HIPK2: variants seen among roughly 807,000 people sequenced by gnomAD.
HIPK2 encodes the protein homeodomain-interacting protein kinase 2.
In HIPK2, 27 loss-of-function variants were observed where a neutral mutation model predicts 113.7. The ratio of observed to expected loss-of-function variants is 0.24; its 90% confidence interval spans 0.17 to 0.33. The LOEUF is 0.33. Among genes scored for constraint, HIPK2 ranks in the 10% least tolerant of loss-of-function variants. HIPK2 has a pLI of 1.00. For synonymous variants in HIPK2, 631 were observed against 642.2 expected (o/e 0.98, Z 0.26); for missense variants, 1,257 against 1,588.0 (o/e 0.79, Z 3.54).
chr7:139,753,852 G>A (rs1200200575), intron 1 of HIPK2, among the ~76,000 whole-genome samples: 1 of 152,222 alleles, frequency 6.6e-6, no homozygotes. Context: ...ATTGTGAGAT[G>A]GGGAAGGCGC....
At chr7:139,726,439 G>A (rs1433196633) in intron 1 of HIPK2, among the ~76,000 whole-genome samples, 2 of 152,232 alleles carry the variant, frequency 1.3e-5, no homozygotes, top group Non-Finnish European at 2.9e-5. Flanking sequence ...GCCAGAAGGA[G>A]TGGGGCTCCA....
chr7:139,772,950 A>C (rs933217909), intron 1 of HIPK2, among the ~76,000 whole-genome samples: 1 of 152,008 alleles, frequency 6.6e-6, no homozygotes, highest in African/African-American at 2.4e-5. Flanking sequence ...CACTAAAAAA[A>C]AAAAGGAGAA....
At chr7:139,593,617 C>T (rs746422514) in intron 12 of HIPK2, among the ~76,000 whole-genome samples, 2 of 152,188 alleles carry the variant, frequency 1.3e-5, no homozygotes, top group Non-Finnish European at 2.9e-5. Context: ...TGAAGGTCAT[C>T]GGCTGCCTGA....
In HIPK2 at chr7:139,604,404, G is replaced by A. The variant is rs73481737; in HGVS notation, c.2113-181C>T. On this transcript the variant is annotated intron_variant, in intron 9 of 14. Transcript: ENST00000406875. ...GAGATAAACAATGAACATACAGGCC[G>A]GGTGCAGTGGCTCACGCCTGTAATC... The A allele has an allele frequency of 9.2e-4, 324 of 352,740 alleles. 2 individuals carry two copies. The highest frequency in any genetic ancestry group is 6.7e-3 in the African/African-American group (303 of 45,106). 21.9% of individuals were successfully genotyped at this position (352,740 alleles called of 1,614,324 possible). A position where few individuals can be genotyped will look rare whatever the true frequency, so the allele number is the denominator to read the frequency against.
At chr7:139,725,517 T>A (rs1288464285) in intron 1 of HIPK2, among the ~76,000 whole-genome samples, 1 of 152,234 alleles carries the variant, frequency 6.6e-6, no homozygotes, top group Non-Finnish European at 1.5e-5. Context: ...TAACCACCAG[T>A]ATGCACTGTG....
intron 2 of HIPK2, among the ~76,000 whole-genome samples, chr7:139,678,633 T>C (rs1802591801): frequency 6.6e-6 from 1 of 152,238 alleles, no homozygotes; most frequent in Admixed American, 6.5e-5. Context: ...TTGTTCTTTT[T>C]GCTTAGGATT....
At chr7:139,586,279 CAG>C (rs1798829087) in intron 12 of HIPK2, among the ~76,000 whole-genome samples, 1 of 152,180 alleles carries the variant, frequency 6.6e-6, no homozygotes, top group Admixed American at 6.5e-5. Flanking sequence ...AAGCTAAACA[CAG>C]AGTTACCCTA....
intron 2 of HIPK2, among the ~76,000 whole-genome samples, chr7:139,643,381 TACACACACACACACAC>T (rs61058916): frequency 6.7e-6 from 1 of 148,238 alleles, no homozygotes; most frequent in Non-Finnish European, 1.5e-5. Context: ...ATGTACTAAA[TACACACACACACACAC>T]ACACACACAC....
intron 1 of HIPK2, among the ~76,000 whole-genome samples, chr7:139,732,800 T>C (rs1273228325): frequency 2.9e-5 from 4 of 139,576 alleles, no homozygotes; most frequent in Non-Finnish European, 6.0e-5. Flanking sequence ...ATATAATATA[T>C]ATAACATATT....
At chr7:139,757,118 TGAGACAC>T (rs1796375417) in intron 1 of HIPK2, among the ~76,000 whole-genome samples, 1 of 152,154 alleles carries the variant, frequency 6.6e-6, no homozygotes, top group Admixed American at 6.5e-5. Flanking sequence ...CCTGAAAAGA[TGAGACAC>T]AGACACTTAG....
At chr7:139,743,756 G>C (rs573458972) in intron 1 of HIPK2, among the ~76,000 whole-genome samples, 1 of 152,292 alleles carries the variant, frequency 6.6e-6, no homozygotes, top group South Asian at 2.1e-4. Context: ...GACATAAGGG[G>C]ATGGTTTAAG....
intron 2 of HIPK2, among the ~76,000 whole-genome samples, chr7:139,676,255 T>A (rs1188410018): frequency 4.6e-5 from 7 of 152,228 alleles, no homozygotes; most frequent in Admixed American, 4.6e-4. Context: ...TGAATGGATG[T>A]GGTTGGCCTG....
At chr7:139,585,723 C>G (rs1798812816) in intron 12 of HIPK2, among the ~76,000 whole-genome samples, 2 of 152,158 alleles carry the variant, frequency 1.3e-5, no homozygotes, top group South Asian at 4.1e-4. Context: ...TCCATAATAG[C>G]TGCTATTCTT....
intron 1 of HIPK2, among the ~76,000 whole-genome samples, chr7:139,752,612 ACTT>A (rs1424431879): frequency 1.3e-5 from 2 of 151,708 alleles, no homozygotes; most frequent in Non-Finnish European, 2.9e-5. Context: ...CTATCTTTAG[ACTT>A]CTTTTCTTTT....
At chr7:139,658,257 G>A (rs1034502090) in intron 2 of HIPK2, among the ~76,000 whole-genome samples, 5 of 150,956 alleles carry the variant, frequency 3.3e-5, no homozygotes, top group African/African-American at 1.2e-4. Flanking sequence ...AGTGAGCAGA[G>A]ATCGTGCCAT....
At chr7:139,636,737 A>G (rs191734064) in intron 2 of HIPK2, among the ~76,000 whole-genome samples, 317 of 152,164 alleles carry the variant, frequency 2.1e-3, no homozygotes, top group Non-Finnish European at 3.0e-3. Flanking sequence ...TTTAAGCCAG[A>G]TATTTTGTGG....
chr7:139,716,491 C>G lies in HIPK2; in HGVS notation c.544G>C (p.Gly182Arg). ...TCATGCTGCACCAGCTGATAGTCGCCCTCGCTGTTGGAGCCGCTGTTTTTG... is the reference window on the plus strand; with the variant it reads ...TCATGCTGCACCAGCTGATAGTCGCGCTCGCTGTTGGAGCCGCTGTTTTTG... ...TSKNSGSNSE[G>R]DYQLVQHEVL... The change falls in exon 2 of 15, where the codon GGC becomes CGC. Residue 182 changes from glycine (G) to arginine (R), a missense_variant. Coordinates refer to ENST00000406875, the MANE Select transcript of HIPK2 (RefSeq NM_022740.5). This position sits in a 1 kb window ranked among gnomAD's most constrained non-coding sequence, Gnocchi z 9.3. The G allele has an allele frequency of 6.2e-7, 1 of 1,614,004 alleles. No homozygotes were observed. Among genetic ancestry groups the G allele is most frequent in the Non-Finnish European group, 8.5e-7 (1 of 1,179,908 alleles).
chr7:139,660,124 A>C (rs981090670), intron 2 of HIPK2, among the ~76,000 whole-genome samples: 1 of 152,230 alleles, frequency 6.6e-6, no homozygotes, highest in Admixed American at 6.5e-5. Context: ...ATAGTTTGAG[A>C]AGCTCATATC....
chr7:139,562,826 TCTC>T lies in HIPK2; in HGVS notation c.*10098_*10100del, dbSNP rs1053525533. 3 of 152,244 alleles carry T rather than the reference TCTC, an allele frequency of 2.0e-5. No individual in the cohort carries two copies. Among genetic ancestry groups the T allele is most frequent in the Admixed American group, 1.3e-4 (2 of 15,286 alleles). The allele number at this position is 152,244 out of a possible 1,614,324, so 9.4% of individuals were successfully genotyped here. A position where few individuals can be genotyped will look rare whatever the true frequency, so the allele number is the denominator to read the frequency against. On this transcript the variant is annotated 3_prime_UTR_variant, in exon 15 of 15. Transcript: ENST00000406875. Reference sequence around the variant, plus strand: ...TTCTCCTCATCTGTAAAGCTATACTTCTCCTATCCAATTTGGTTTGATATATAT... The same window carrying T: ...TTCTCCTCATCTGTAAAGCTATACTTCTATCCAATTTGGTTTGATATATAT...
Sources: gnomAD v4.1 joint callset for allele counts (sites outside exome capture counted in the v4.1 genomes callset) on GRCh38, gnomAD v4.1.1 for gene constraint, Gnocchi (gnomAD v3.1) non-coding constraint, MANE v1.5 for transcripts, NCBI Gene and HGNC (gene_info 2026-07-23, HGNC 2026-07-21) for gene names.